The following ANKLE1 variants were observed in gnomAD, a reference collection of about 807,000 sequenced individuals.
The protein encoded by ANKLE1 is ankyrin repeat and LEM domain containing 1, also known as structure-specific endonuclease ANKLE1.
Under a neutral mutation model 56.2 loss-of-function variants are expected in ANKLE1, and 59 were observed. That is an observed-to-expected ratio of 1.05 (90% CI 0.85 to 1.30). The LOEUF is 1.30. Ranked by LOEUF, ANKLE1 falls within the 50% of genes most tolerant of loss-of-function variation. The probability of loss-of-function intolerance (pLI) is 0.00; values close to 1 mark genes in which losing one functional copy is unlikely to be tolerated. For missense variants in ANKLE1, 771 were observed against 816.1 expected, an observed-to-expected ratio of 0.94 and a Z score of 0.67; for synonymous variants, 341 against 352.9, an observed-to-expected ratio of 0.97 and a Z score of 0.38.
intron 6 of ANKLE1, among the ~76,000 whole-genome samples, chr19:17,284,998 G>A (rs970227861): frequency 2.0e-5 from 3 of 151,952 alleles, no homozygotes; most frequent in Admixed American, 6.5e-5. Context: ...GGTGGCTCAC[G>A]CCTGTAATAC....
chr19:17,286,880 TG>T lies in ANKLE1; in HGVS notation c.*331del. ...TGCTTCTGTAAGAGGCGTTTGAACC[TG>T]GGCAACTCCACCTGGAATAGGAGCT... On this transcript the variant is annotated 3_prime_UTR_variant, in exon 9 of 9. Coordinates refer to ENST00000404085, the MANE Select transcript of ANKLE1 (RefSeq NM_152363.6). 1.9e-6 allele frequency: 2 copies of T among 1,043,742 alleles called. No individual in the cohort carries two copies. Among genetic ancestry groups the T allele is most frequent in the Non-Finnish European group, 2.4e-6 (2 of 837,334 alleles). 64.7% of individuals were successfully genotyped at this position (1,043,742 alleles called of 1,614,324 possible).
At chr19:17,286,343 A>T in intron 8 of ANKLE1, 37 bp from the exon 9 acceptor site, 16 of 1,526,392 alleles carry the variant, frequency 1.0e-5, no homozygotes, top group Non-Finnish European at 1.4e-5. Flanking sequence ...AGGTGTCCCC[A>T]TGGCTGCCCC....
Position 17,283,671 on chromosome 19 carries a change from G to T in ANKLE1, c.907G>T (p.Ala303Ser), listed in dbSNP as rs750326706. ...SSMPLLDRSP[A>S]HSPPRTPTPG... ...CATGCCTCTCCTGGACAGGAGTCCA[G>T]CTCATAGCCCCCCACGGACACCAAC... The change falls in exon 5 of 9, where the codon GCT becomes TCT. Residue 303 changes from alanine (A) to serine (S), a missense_variant. Ala to Ser is a moderately conservative substitution (Grantham distance 99). Coordinates refer to ENST00000404085, the MANE Select transcript of ANKLE1 (RefSeq NM_152363.6). The T allele has an allele frequency of 6.2e-7, 1 of 1,613,514 alleles. No homozygotes were observed. Among genetic ancestry groups the T allele is most frequent in the South Asian group, 1.1e-5 (1 of 91,082 alleles).
Position 17,282,936 on chromosome 19 carries a change from G to T in ANKLE1, c.394G>T (p.Asp132Tyr). The T allele has an allele frequency of 6.4e-7, 1 of 1,570,982 alleles. No individual in the cohort carries two copies. ...LECARVLQDL[D>Y]TRTRTRTRIG... Reference sequence around the variant, plus strand: ...GTGCGCGCGAGTCCTGCAGGATCTCGACACGCGGACCAGGACCCGGACCCG... The same window carrying T: ...GTGCGCGCGAGTCCTGCAGGATCTCTACACGCGGACCAGGACCCGGACCCG... Residue 132 changes from aspartate (D) to tyrosine (Y), a missense_variant, in exon 4 of 9, where the codon GAC (aspartate) becomes TAC (tyrosine). Coordinates refer to ENST00000404085, the MANE Select transcript of ANKLE1 (RefSeq NM_152363.6).
intron 2 of ANKLE1, 24 bp from the exon 3 acceptor site, chr19:17,282,632 A>G (rs991400748): frequency 1.3e-6 from 2 of 1,530,138 alleles, no homozygotes; most frequent in African/African-American, 1.4e-5. Flanking sequence ...GTCCGCAATG[A>G]CCCCTCTTGC....
In ANKLE1 at chr19:17,285,561, C is replaced by G. The variant is rs77154598; in HGVS notation, c.1507C>G (p.Leu503Val). The change falls in exon 7 of 9, where the codon CTT (leucine) becomes GTT (valine). Residue 503 changes from leucine to valine, a missense_variant. Transcript: ENST00000404085. ...ARPYVHLWEA[L>V]GHHGRSRKQP... ...GCCATATGTCCACCTCTGGGAGGCC[C>G]TTGGTCACCATGGGCGGTCAAGAAA... 1.0e-4 allele frequency: 161 copies of G among 1,613,894 alleles called. No individual in the cohort carries two copies. The African/African-American group carries it at 2.0e-3, about 20-fold the overall frequency.
chr19:17,285,634 T>C (rs755640662), intron 7 of ANKLE1, 44 bp downstream of exon 7: 3 of 1,613,872 alleles, frequency 1.9e-6, no homozygotes, highest in South Asian at 1.1e-5. Flanking sequence ...AGTCGGGCCA[T>C]GGGCAGGGGA....
At position 17,286,816 on chromosome 19, in the gene ANKLE1, G is replaced by T. The variant is rs903895643; in HGVS notation, c.*264G>T. On this transcript the variant is annotated 3_prime_UTR_variant, in exon 9 of 9. Transcript: ENST00000404085. The stretch of plus-strand genomic sequence containing the variant: ...AGTGAGCTCCCCATCGTGGGAGGAG[G>T]ACAAGAAGGGAAGCAGAAGGTGCTT... 36 of 1,314,868 alleles carry T rather than the reference G, an allele frequency of 2.7e-5. No homozygotes were observed. In the Admixed American group the frequency reaches 9.9e-4, roughly 36 times the overall value. 81.5% of individuals were successfully genotyped at this position (1,314,868 alleles called of 1,614,324 possible).
intron 6 of ANKLE1, among the ~76,000 whole-genome samples, chr19:17,284,758 T>C (rs140598870): frequency 0.015 from 2,273 of 149,876 alleles, 59 homozygotes; most frequent in African/African-American, 0.052. Context: ...CAATCTTGGC[T>C]CACTGCAACC....
intron 6 of ANKLE1, among the ~76,000 whole-genome samples, chr19:17,285,063 C>G (rs2074016663): frequency 6.6e-6 from 1 of 151,810 alleles, no homozygotes; most frequent in African/African-American, 2.4e-5. Context: ...AGTTAGAGAC[C>G]AGCGTGTTCA....
In ANKLE1 at chr19:17,286,722, C is replaced by A. The variant is rs1174003529; in HGVS notation, c.*170C>A. On this transcript the variant is annotated 3_prime_UTR_variant, in exon 9 of 9. Transcript: ENST00000404085. ...TGTGTGTGTGTGTGTGTAGGGAGCA[C>A]CCAGGCAGATCTCCCCCAGGCTGAG... 3.4e-6 allele frequency: 5 copies of A among 1,459,060 alleles called. No homozygotes were observed. The highest frequency in any genetic ancestry group is 4.5e-6 in the Non-Finnish European group (5 of 1,102,772). The allele number at this position is 1,459,060 out of a possible 1,614,324, so 90.4% of individuals were successfully genotyped here.
rs566742989 is a variant in ANKLE1, at chr19:17,283,390, C to G, written c.626C>G (p.Pro209Arg). The stretch of plus-strand genomic sequence containing the variant: ...GACAAACATGGGAGCTCGGCGTCCC[C>G]TCCAGGGCACTGGGATTACAGCTCA... ...TVDKHGSSAS[P>R]PGHWDYSSDA... Residue 209 changes from proline to arginine, a missense_variant, in exon 5 of 9, where the codon CCT becomes CGT. Pro to Arg is a moderately radical substitution (Grantham distance 103, BLOSUM62 -2). Transcript: ENST00000404085. 1.1e-4 allele frequency: 174 copies of G among 1,613,612 alleles called. No individual in the cohort carries two copies. Among genetic ancestry groups the G allele is most frequent in the Non-Finnish European group, 9.5e-5 (112 of 1,179,902 alleles).
Position 17,286,325 on chromosome 19 carries a change from G to C in ANKLE1, c.1676-55G>C, listed in dbSNP as rs1418772111. ...CCGCCTGCTGTCACACACTTCTGCT[G>C]GATGGGGAGGTGTCCCCATGGCTGC... On this transcript the variant is annotated intron_variant, in intron 8 of 8. Transcript: ENST00000404085. 2.0e-6 allele frequency: 3 copies of C among 1,512,876 alleles called. No individual in the cohort carries two copies. The African/African-American group carries it at 4.2e-5, about 21-fold the overall frequency. The allele number at this position is 1,512,876 out of a possible 1,614,324, so 93.7% of individuals were successfully genotyped here. A position where few individuals can be genotyped will look rare whatever the true frequency, so the allele number is the denominator to read the frequency against.
intron 2 of ANKLE1, 116 bp downstream of exon 2, chr19:17,282,325 G>C (rs1437506862): frequency 7.4e-7 from 1 of 1,347,408 alleles, no homozygotes; most frequent in African/African-American, 1.5e-5. Flanking sequence ...GGGTTTAGGG[G>C]ATCTTGGGGA....
chr19:17,282,094 A>G lies in ANKLE1; in HGVS notation c.100A>G (p.Asn34Asp). ...GCTGCTGCGCTGCGGCGCGGACCCT[A>G]ATTTGGTGCTAGAGGACGGCGCAGC... ...EELLRCGADPNLVLEDGAAAV... is the reference protein window; with the variant it reads ...EELLRCGADPDLVLEDGAAAV... Residue 34 changes from asparagine to aspartate, a missense_variant, in exon 2 of 9, where the codon AAT (asparagine) becomes GAT (aspartate). Asn to Asp is a conservative substitution (Grantham distance 23, BLOSUM62 1). Coordinates refer to ENST00000404085, the MANE Select transcript of ANKLE1 (RefSeq NM_152363.6). 1.3e-6 allele frequency: 2 copies of G among 1,541,110 alleles called. No individual in the cohort carries two copies. Among genetic ancestry groups the G allele is most frequent in the South Asian group, 1.2e-5 (1 of 84,030 alleles).
intron 7 of ANKLE1, 34 bp from the exon 8 acceptor site, chr19:17,285,647 G>A: frequency 1.2e-6 from 2 of 1,613,950 alleles, no homozygotes; most frequent in South Asian, 2.2e-5. Context: ...GCAGGGGAGG[G>A]TATTGGGGGT....
Position 17,285,951 on chromosome 19 carries a change from A to T in ANKLE1, c.1675+132A>T. ...TTGAGCACCAACTTTGAACCTGCACATGCATGTATTTTGCTCCATTGGTTT... is the reference window on the plus strand; with the variant it reads ...TTGAGCACCAACTTTGAACCTGCACTTGCATGTATTTTGCTCCATTGGTTT... On this transcript the variant is annotated intron_variant, in intron 8 of 8. Coordinates refer to ENST00000404085, the MANE Select transcript of ANKLE1 (RefSeq NM_152363.6). 3 of 1,286,912 alleles carry T rather than the reference A, an allele frequency of 2.3e-6. No homozygotes were observed. The South Asian group carries it at 4.3e-5, about 18-fold the overall frequency. 79.7% of individuals were successfully genotyped at this position (1,286,912 alleles called of 1,614,324 possible). A position where few individuals can be genotyped will look rare whatever the true frequency, so the allele number is the denominator to read the frequency against.
chr19:17,284,032 C>A, intron 5 of ANKLE1, 57 bp from the exon 6 acceptor site: 1 of 1,603,186 alleles, frequency 6.2e-7, no homozygotes. Context: ...CAGCTCTCAG[C>A]CCCACTTTCC....
At chr19:17,282,506 C>A in intron 2 of ANKLE1, 150 bp from the exon 3 acceptor site, 1 of 923,910 alleles carries the variant, frequency 1.1e-6, no homozygotes, top group Non-Finnish European at 1.7e-6. Context: ...GGCCTGAGGT[C>A]ATAGCATCTA....
Sources: allele counts gnomAD v4.1 joint callset (sites outside exome capture counted in the v4.1 genomes callset), GRCh38; gene constraint gnomAD v4.1.1; transcripts MANE v1.5; gene names NCBI Gene and HGNC (gene_info 2026-07-23, HGNC 2026-07-21).